Variants in STARD13 observed in about 807,000 individuals in gnomAD.
The protein encoded by STARD13 is stAR-related lipid transfer protein 13.
STARD13 carries 62 observed loss-of-function variants against 106.4 expected under a neutral mutation model. The ratio of observed to expected loss-of-function variants is 0.58; its 90% CI spans 0.48 to 0.72. The LOEUF is 0.72. Among genes scored for constraint, STARD13 ranks in the 30% least tolerant of loss-of-function variants. The pLI, the probability that STARD13 is intolerant of heterozygous loss-of-function variation, is 0.00. For missense variants in STARD13, 1,387 were observed against 1,424.0 expected (o/e 0.97, Z 0.42); for synonymous variants, 565 against 553.0 (o/e 1.02, Z -0.31).
intron 1 of STARD13, among the ~76,000 whole-genome samples, chr13:33,242,962 A>G (rs570052201): frequency 1.3e-5 from 2 of 152,324 alleles, no homozygotes; most frequent in East Asian, 1.9e-4. Context: ...CAACAAAAAC[A>G]GTCCCAGTCT....
At chr13:33,615,947 A>G in the STARD13 span, among the ~76,000 whole-genome samples, 1 of 152,244 alleles carries the variant, frequency 6.6e-6, no homozygotes, top group East Asian at 1.9e-4. Flanking sequence ...TGATGTTGCC[A>G]GTCCTTAAAT....
At chr13:33,166,537 G>A (rs1472860427) in intron 2 of STARD13, among the ~76,000 whole-genome samples, 1 of 152,150 alleles carries the variant, frequency 6.6e-6, no homozygotes, top group Non-Finnish European at 1.5e-5. Context: ...AATGAGCACT[G>A]TTAGAAACAA....
intron 1 of STARD13, among the ~76,000 whole-genome samples, chr13:33,326,620 G>A (rs1335990065): frequency 6.6e-6 from 1 of 152,154 alleles, no homozygotes; most frequent in Non-Finnish European, 1.5e-5. Flanking sequence ...AAAAATGCAG[G>A]TTCCTGGACC....
At chr13:33,358,864 G>C in the STARD13 span, among the ~76,000 whole-genome samples, 1 of 152,148 alleles carries the variant, frequency 6.6e-6, no homozygotes, top group Non-Finnish European at 1.5e-5. Context: ...TTTAGCTCAA[G>C]GTTTGTGAAT....
At chr13:33,490,688 A>T in the STARD13 span, among the ~76,000 whole-genome samples, 3 of 152,006 alleles carry the variant, frequency 2.0e-5, no homozygotes, top group Non-Finnish European at 4.4e-5. Context: ...AAAACCTCAC[A>T]TTCATCCTTC....
chr13:33,227,128 G>A (rs1888666689), intron 1 of STARD13, among the ~76,000 whole-genome samples: 1 of 152,178 alleles, frequency 6.6e-6, no homozygotes. Context: ...GTGACCAGTT[G>A]CTTTGAATTG....
the STARD13 span, among the ~76,000 whole-genome samples, chr13:33,482,450 A>G: frequency 6.6e-6 from 1 of 152,214 alleles, no homozygotes; most frequent in African/African-American, 2.4e-5. Context: ...AAATCAATAA[A>G]AAGCATTTTG....
At chr13:33,640,273 C>A in the STARD13 span, among the ~76,000 whole-genome samples, 4 of 152,168 alleles carry the variant, frequency 2.6e-5, no homozygotes, top group Non-Finnish European at 5.9e-5. Flanking sequence ...GTCTTTAAAC[C>A]AGAATCCTTT....
At chr13:33,560,599 G>C in the STARD13 span, among the ~76,000 whole-genome samples, 1 of 151,314 alleles carries the variant, frequency 6.6e-6, no homozygotes, top group Non-Finnish European at 1.5e-5. Flanking sequence ...GAATTTGAAT[G>C]GGTTTTGGCA....
intron 1 of STARD13, among the ~76,000 whole-genome samples, chr13:33,257,880 T>C (rs1890445498): frequency 6.6e-6 from 1 of 152,270 alleles, no homozygotes; most frequent in Non-Finnish European, 1.5e-5. Flanking sequence ...ATCATCACTG[T>C]AAATATATTT....
At chr13:33,229,064 T>C (rs1888770117) in intron 1 of STARD13, among the ~76,000 whole-genome samples, 2 of 152,240 alleles carry the variant, frequency 1.3e-5, no homozygotes, top group South Asian at 4.2e-4. Context: ...TTTGACTAGG[T>C]GGAAGACTGC....
At chr13:33,183,413 A>G (rs1188948467) in intron 1 of STARD13, among the ~76,000 whole-genome samples, 1 of 152,204 alleles carries the variant, frequency 6.6e-6, no homozygotes, top group East Asian at 1.9e-4. Flanking sequence ...CTGGTCAAAG[A>G]TCTTTGGCAA....
the STARD13 span, among the ~76,000 whole-genome samples, chr13:33,539,092 G>A: frequency 1.5e-3 from 225 of 152,198 alleles, 1 homozygote; most frequent in Non-Finnish European, 2.8e-3. Flanking sequence ...TACTAGAGAC[G>A]TAGAATCTAT....
chr13:33,439,957 T>C, the STARD13 span, among the ~76,000 whole-genome samples: 1 of 152,196 alleles, frequency 6.6e-6, no homozygotes, highest in Non-Finnish European at 1.5e-5. Flanking sequence ...ATTAAATGTA[T>C]TTTTCTCTGA....
At chr13:33,241,359 T>C (rs1187105503) in intron 1 of STARD13, among the ~76,000 whole-genome samples, 1 of 152,144 alleles carries the variant, frequency 6.6e-6, no homozygotes, top group Non-Finnish European at 1.5e-5. Flanking sequence ...CACAATAGAA[T>C]AAAACCGTAA....
intron 1 of STARD13, among the ~76,000 whole-genome samples, chr13:33,188,601 C>T (rs932628141): frequency 1.3e-5 from 2 of 152,212 alleles, no homozygotes; most frequent in Non-Finnish European, 2.9e-5. Context: ...TTTCAATACT[C>T]ACCACACTAA....
At chr13:33,358,090 G>C in the STARD13 span, among the ~76,000 whole-genome samples, 5 of 152,244 alleles carry the variant, frequency 3.3e-5, no homozygotes, top group Non-Finnish European at 5.9e-5. Flanking sequence ...AGCCAGCCCT[G>C]CTGGCCCCGG....
the STARD13 span, among the ~76,000 whole-genome samples, chr13:33,654,222 A>T: frequency 5.0e-4 from 76 of 152,366 alleles, 1 homozygote; most frequent in African/African-American, 1.6e-3. Flanking sequence ...TAGCCCAAAG[A>T]GTAAACAACC....
intron 1 of STARD13, among the ~76,000 whole-genome samples, chr13:33,275,376 C>A (rs1891372978): frequency 6.6e-6 from 1 of 152,172 alleles, no homozygotes; most frequent in South Asian, 2.1e-4. Context: ...GTTTAATAAT[C>A]ATTTTGTCTT....
Sources: gnomAD v4.1 joint callset for allele counts (sites outside exome capture counted in the v4.1 genomes callset) on GRCh38, gnomAD v4.1.1 for gene constraint, MANE v1.5 for transcripts, NCBI Gene and HGNC (gene_info 2026-07-23, HGNC 2026-07-21) for gene names.